CD163: variants seen among roughly 807,000 people sequenced by gnomAD.
The protein encoded by CD163 is scavenger receptor cysteine-rich type 1 protein M130.
Under a neutral mutation model 129.2 loss-of-function variants are expected in CD163, and 64 were observed. That is an observed-to-expected ratio of 0.50 (90% CI 0.41 to 0.61). The LOEUF is 0.61. Ranked by LOEUF, CD163 falls within the 20% of genes least tolerant of loss-of-function variation. The probability of loss-of-function intolerance (pLI) is 0.00; values close to 1 mark genes in which losing one functional copy is unlikely to be tolerated. For missense variants in CD163, 1,061 were observed against 1,377.9 expected (o/e 0.77, Z 3.64); for synonymous variants, 446 against 478.5 (o/e 0.93, Z 0.89).
intron 16 of CD163, among the ~76,000 whole-genome samples, chr12:7,474,888 G>A (rs928686528): frequency 3.9e-5 from 6 of 151,938 alleles, no homozygotes; most frequent in African/African-American, 1.2e-4. Context: ...AAGTGATAGA[G>A]GGGATATCAC....
rs750410996 is a variant in CD163 at position 7,485,100 on chromosome 12, A to T, written c.2775T>A (p.Cys925Ter). 6.3e-7 allele frequency: 1 copy of T among 1,597,772 alleles called. No homozygotes were observed. The highest frequency in any genetic ancestry group is 2.2e-5 in the East Asian group (1 of 44,624). ...TATAGGTCGATGGATACTCACTGTCACATGTGATCCAGGTCTCCTCCGAGG... is the reference window on the plus strand; with the variant it reads ...TATAGGTCGATGGATACTCACTGTCTCATGTGATCCAGGTCTCCTCCGAGG... ...ASPSEETWIT[C>*]DNKIRLQEGP... The change falls in exon 11 of 17, where the codon TGT (cysteine) becomes TGA (stop). Residue 925 changes from cysteine to a stop codon, truncating the protein, a stop_gained. Transcript: ENST00000432237. LOFTEE classifies it high-confidence loss of function. This position sits in a 1 kb window ranked among gnomAD's most constrained non-coding sequence, Gnocchi z 4.5.
rs2136704793 is a variant in CD163 at position 7,485,286 on chromosome 12, C to T, written c.2589G>A (p.Val863=). 2 of 1,614,194 alleles carry T rather than the reference C, an allele frequency of 1.2e-6. No individual in the cohort carries two copies. Among genetic ancestry groups the T allele is most frequent in the Non-Finnish European group, 1.7e-6 (2 of 1,180,024 alleles). Residue 863 remains valine (V), a synonymous_variant, in exon 11 of 17, where the codon GTG becomes GTA. Coordinates refer to ENST00000432237, the MANE Select transcript of CD163 (RefSeq NM_203416.4). The surrounding 1 kb of genome is among the most constrained non-coding windows in gnomAD (Gnocchi z 4.5). Reference sequence around the variant, plus strand: ...TGTCTGCACAGCCCAGCTGCCTGCACACCACACCCACAGTGGTTTCAGACA... The same window carrying T: ...TGTCTGCACAGCCCAGCTGCCTGCATACCACACCCACAGTGGTTTCAGACA... ...SSMSETTVGV[V]CRQLGCADKG...
chr12:7,489,303 A>G (rs1044468263), intron 6 of CD163, among the ~76,000 whole-genome samples: 5 of 152,170 alleles, frequency 3.3e-5, no homozygotes, highest in Admixed American at 2.0e-4. Context: ...GCAGACCTCT[A>G]CAATAGCTTC....
intron 11 of CD163, 166 bp from the exon 12 acceptor site, chr12:7,483,841 A>ATTTTTTTT (rs200359960): frequency 1.8e-5 from 2 of 110,028 alleles, no homozygotes; most frequent in African/African-American, 7.6e-5. Flanking sequence ...ATATATATAT[A>ATTTTTTTT]TTTTTTTTTT....
chr12:7,494,118 A>G (rs763619029), intron 6 of CD163, among the ~76,000 whole-genome samples: 1 of 152,348 alleles, frequency 6.6e-6, no homozygotes, highest in East Asian at 1.9e-4. Context: ...TTTACATGAA[A>G]TATCTCAAAT....
At chr12:7,493,074 A>G (rs1295510411) in intron 6 of CD163, among the ~76,000 whole-genome samples, 1 of 152,246 alleles carries the variant, frequency 6.6e-6, no homozygotes, top group Non-Finnish European at 1.5e-5. Flanking sequence ...GTAGACTAGA[A>G]GCTTAGTAAC....
At position 7,485,801 on chromosome 12, in the gene CD163, T is replaced by A. The variant is rs1438077058; in HGVS notation, c.2459-385A>T. Among the ~76,000 whole-genome samples the A allele has an allele frequency of 6.6e-6, 1 of 152,178 alleles. No homozygotes were observed. Among genetic ancestry groups the A allele is most frequent in the Non-Finnish European group, 1.5e-5 (1 of 68,018 alleles). On this transcript the variant is annotated intron_variant, in intron 10 of 16. Coordinates refer to ENST00000432237, the MANE Select transcript of CD163 (RefSeq NM_203416.4). The surrounding 1 kb of genome is among the most constrained non-coding windows in gnomAD (Gnocchi z 4.5). The stretch of plus-strand genomic sequence containing the variant: ...AAATCAATGTTTTGTGTACATCTCT[T>A]AAAATGACAGTTCATTTGCTGACAC...
Position 7,501,456 on chromosome 12 carries a change from G to C in CD163, c.140C>G (p.Thr47Arg). Residue 47 changes from threonine (T) to arginine (R), a missense_variant, in exon 3 of 17, where the codon ACA becomes AGA. Thr to Arg is a moderately conservative substitution (Grantham distance 71). Transcript: ENST00000432237. Reference sequence around the variant, plus strand: ...ATCCACTAGCCTCAGCTCCTTGTCTGTTCCTCCTGCAACAATGGATTAAGA... The same window carrying C: ...ATCCACTAGCCTCAGCTCCTTGTCTCTTCCTCCTGCAACAATGGATTAAGA... The part of the protein sequence containing the change: ...ACFVTSSLGG[T>R]DKELRLVDGE... 1 of 1,612,950 alleles carries C rather than the reference G, an allele frequency of 6.2e-7. No homozygotes were observed. Among genetic ancestry groups the C allele is most frequent in the Non-Finnish European group, 8.5e-7 (1 of 1,179,170 alleles).
intron 11 of CD163, among the ~76,000 whole-genome samples, 197 bp downstream of exon 11, chr12:7,484,899 C>T (rs1949226750): frequency 6.6e-6 from 1 of 152,154 alleles, no homozygotes; most frequent in South Asian, 2.1e-4. Context: ...TCCTGAATAT[C>T]TACAGGCCAA....
rs765869382 is a variant in CD163 at position 7,486,799 on chromosome 12, G to A, written c.2158C>T (p.Arg720Cys). ...AVACIESGQLRLVNGGGRCAG... is the reference protein window; with the variant it reads ...AVACIESGQLCLVNGGGRCAG... ...CAGCGACCTCCTCCATTTACCAGGC[G>A]AAGTTGACCACTCTCTGCAAAGAGA... The change falls in exon 10 of 17, where the codon CGC becomes TGC. Residue 720 changes from arginine (R) to cysteine (C), a missense_variant. Coordinates refer to ENST00000432237, the MANE Select transcript of CD163 (RefSeq NM_203416.4). The A allele has an allele frequency of 3.1e-6, 5 of 1,609,698 alleles. No homozygotes were observed. Among genetic ancestry groups the A allele is most frequent in the South Asian group, 2.2e-5 (2 of 90,800 alleles).
At chr12:7,500,997 G>T in intron 3 of CD163, 142 bp downstream of exon 3, 3 of 692,842 alleles carry the variant, frequency 4.3e-6, no homozygotes, top group Admixed American at 2.5e-5. Flanking sequence ...GTGTTTTGTG[G>T]TTTTCTAGCA....
In CD163 at chr12:7,487,360, T is replaced by C. The variant is rs1949265907; in HGVS notation, c.2049A>G (p.Ser683=). 1.3e-6 allele frequency: 2 copies of C among 1,577,058 alleles called. No individual in the cohort carries two copies. Among genetic ancestry groups the C allele is most frequent in the Non-Finnish European group, 1.7e-6 (2 of 1,162,444 alleles). ...ACTGGCTGCCCGTCATCCTCTTACC[T>C]GAGCAGATTACAGAGGCCACTTGCT... ...PSEQVASVIC[S]GNQSQTLSSC... Residue 683 remains serine (S), a splice_region_variant and synonymous_variant, in exon 8 of 17, where the codon TCA becomes TCG. Coordinates refer to ENST00000432237, the MANE Select transcript of CD163 (RefSeq NM_203416.4). The surrounding 1 kb of genome is among the most constrained non-coding windows in gnomAD (Gnocchi z 5.1).
chr12:7,497,624 G>A (rs1949420552), intron 4 of CD163, among the ~76,000 whole-genome samples: 2 of 152,272 alleles, frequency 1.3e-5, no homozygotes, highest in Admixed American at 6.5e-5. Context: ...AGAGAAAGGA[G>A]GCTTCAGTAC....
intron 16 of CD163, among the ~76,000 whole-genome samples, chr12:7,479,382 T>C (rs1266719642): frequency 6.6e-6 from 1 of 152,178 alleles, no homozygotes; most frequent in Non-Finnish European, 1.5e-5. Flanking sequence ...GCCTCTAGTT[T>C]GCACATACTG....
At chr12:7,495,871 T>C (rs1949392587) in intron 5 of CD163, among the ~76,000 whole-genome samples, 1 of 152,200 alleles carries the variant, frequency 6.6e-6, no homozygotes, top group African/African-American at 2.4e-5. Flanking sequence ...TTTTACACTG[T>C]TGGTGGGAGT....
intron 14 of CD163, among the ~76,000 whole-genome samples, 157 bp from the exon 15 acceptor site, chr12:7,481,413 C>A (rs1949160549): frequency 6.6e-6 from 1 of 152,158 alleles, no homozygotes; most frequent in Non-Finnish European, 1.5e-5. Context: ...TACAATTCCG[C>A]ACACTCAAAT....
At chr12:7,499,253 G>A (rs964044390) in intron 3 of CD163, 65 bp from the exon 4 acceptor site, 14 of 1,402,734 alleles carry the variant, frequency 1.0e-5, no homozygotes, top group Non-Finnish European at 1.3e-5. Context: ...TAGAAAAGAA[G>A]TTTCCTCTGG....
intron 6 of CD163, among the ~76,000 whole-genome samples, chr12:7,491,923 A>G (rs1311936960): frequency 6.6e-6 from 1 of 152,130 alleles, no homozygotes; most frequent in Non-Finnish European, 1.5e-5. Context: ...AATTGTTTCC[A>G]ATTCTCCTGC....
In CD163 at chr12:7,482,992, T is replaced by C. The variant is rs770651128; in HGVS notation, c.3101A>G (p.Gln1034Arg). Residue 1034 changes from glutamine to arginine, a missense_variant, in exon 13 of 17, where the codon CAG (glutamine) becomes CGG (arginine). Physicochemically the swap from Gln to Arg is conservative, Grantham distance 43 (BLOSUM62 1). Coordinates refer to ENST00000432237, the MANE Select transcript of CD163 (RefSeq NM_203416.4). ...TGTTGTGGCTTTTTGTGGGGTTTTC[T>C]GCACTGAAATATCTGTAGGAGAAAA... is the stretch of plus-strand genomic sequence containing the variant. ...AAVNCTDISV[Q>R]KTPQKATTGR... 1.2e-6 allele frequency: 2 copies of C among 1,613,794 alleles called. No homozygotes were observed. Among genetic ancestry groups the C allele is most frequent in the Non-Finnish European group, 1.7e-6 (2 of 1,179,862 alleles).
Sources: allele counts gnomAD v4.1 joint callset (sites outside exome capture counted in the v4.1 genomes callset), GRCh38; gene constraint gnomAD v4.1.1; non-coding constraint Gnocchi (gnomAD v3.1); transcripts MANE v1.5; gene names NCBI Gene and HGNC (gene_info 2026-07-23, HGNC 2026-07-21).